XKR4: variants seen among roughly 807,000 people sequenced by gnomAD.
The protein encoded by XKR4 is XK related 4, also known as XK-related protein 4.
Under a neutral mutation model 53.9 loss-of-function variants are expected in XKR4, and 12 were observed. That is an observed-to-expected ratio of 0.22 (90% CI 0.14 to 0.36). XKR4 has a LOEUF of 0.36. XKR4 is among the 10% of genes least tolerant of loss of function. The probability of loss-of-function intolerance (pLI) is 1.00; values close to 1 mark genes in which losing one functional copy is unlikely to be tolerated. For missense variants in XKR4, 799 were observed against 859.5 expected (o/e 0.93, Z 0.88); for synonymous variants, 354 against 362.4 (o/e 0.98, Z 0.26).
At chr8:55,285,921 C>T (rs1159903989) in intron 1 of XKR4, among the ~76,000 whole-genome samples, 1 of 152,184 alleles carries the variant, frequency 6.6e-6, no homozygotes, top group Non-Finnish European at 1.5e-5. Flanking sequence ...GTGACATTGC[C>T]TCATTCAGGA....
Position 55,310,376 on chromosome 8 carries a change from T to C in XKR4, c.807-47302T>C, listed in dbSNP as rs553031013. Among the ~76,000 whole-genome samples, 30 of 152,312 alleles carry C rather than the reference T, an allele frequency of 2.0e-4. No individual in the cohort carries two copies. The South Asian group carries it at 6.2e-3, about 32-fold the overall frequency. ...CTCATCTATAAAATGGGAAAAATAA[T>C]ACTTCCTATTTTATAGAACATTGTG... On this transcript the variant is annotated intron_variant, in intron 1 of 2. Transcript: ENST00000327381.
intron 1 of XKR4, among the ~76,000 whole-genome samples, chr8:55,128,523 T>A (rs1816507214): frequency 6.6e-6 from 1 of 152,220 alleles, no homozygotes; most frequent in Non-Finnish European, 1.5e-5. Context: ...CTTAGTCAAG[T>A]CTGACTTTGA....
At chr8:55,331,957 G>T (rs1411873487) in intron 1 of XKR4, among the ~76,000 whole-genome samples, 2 of 152,012 alleles carry the variant, frequency 1.3e-5, no homozygotes, top group Non-Finnish European at 2.9e-5. Context: ...TACCGATAAG[G>T]AAGGACTTAC....
At chr8:55,116,242 C>T (rs1429944614) in intron 1 of XKR4, among the ~76,000 whole-genome samples, 1 of 151,802 alleles carries the variant, frequency 6.6e-6, no homozygotes, top group Non-Finnish European at 1.5e-5. Context: ...ACTGAAGAGC[C>T]TCTGTATCTA....
chr8:55,140,241 A>T (rs1446720994), intron 1 of XKR4: 2 of 336,334 alleles, frequency 5.9e-6, no homozygotes. Flanking sequence ...TTAGTTTCAA[A>T]TCATAGATTC....
intron 2 of XKR4, chr8:55,449,666 G>A (rs1669208664): frequency 7.7e-6 from 7 of 903,340 alleles, no homozygotes; most frequent in Non-Finnish European, 1.3e-5. Flanking sequence ...CATGCCAGGT[G>A]CCACAGCCTC....
At chr8:55,261,216 G>A (rs933979005) in intron 1 of XKR4, among the ~76,000 whole-genome samples, 8 of 152,112 alleles carry the variant, frequency 5.3e-5, no homozygotes, top group African/African-American at 1.7e-4. Flanking sequence ...TGCTAATCAC[G>A]TGACCTTGGG....
At chr8:55,439,468 T>C (rs1047763511) in intron 2 of XKR4, among the ~76,000 whole-genome samples, 1 of 152,122 alleles carries the variant, frequency 6.6e-6, no homozygotes, top group Non-Finnish European at 1.5e-5. Flanking sequence ...TAGATTCAAA[T>C]ATAAAATAAG....
chr8:55,271,980 T>A (rs757964431), intron 1 of XKR4, among the ~76,000 whole-genome samples: 1 of 152,214 alleles, frequency 6.6e-6, no homozygotes, highest in Non-Finnish European at 1.5e-5. Context: ...TTTTATATGG[T>A]CTAGCCTTGT....
At chr8:55,451,866 C>A in intron 2 of XKR4, 1 of 862,698 alleles carries the variant, frequency 1.2e-6, no homozygotes. Flanking sequence ...AGGCTGAGGA[C>A]GGGGTCAGTG....
chr8:55,116,357 A>G (rs1179849068), intron 1 of XKR4, among the ~76,000 whole-genome samples: 1 of 152,138 alleles, frequency 6.6e-6, no homozygotes, highest in African/African-American at 2.4e-5. Context: ...AAATAAAACA[A>G]TACAGAAAGA....
chr8:55,354,973 G>A (rs543092272), intron 1 of XKR4, among the ~76,000 whole-genome samples: 2 of 149,828 alleles, frequency 1.3e-5, no homozygotes, highest in East Asian at 1.9e-4. Context: ...ACATGATCTC[G>A]GCTCACTGCA....
At chr8:55,307,446 G>A (rs371087211) in intron 1 of XKR4, among the ~76,000 whole-genome samples, 237 of 152,238 alleles carry the variant, frequency 1.6e-3, no homozygotes, top group Middle Eastern at 0.01. Flanking sequence ...GAGCCCAGGA[G>A]TTCAAGACCA....
chr8:55,498,486 G>A (rs964578140), intron 2 of XKR4, among the ~76,000 whole-genome samples: 3 of 152,112 alleles, frequency 2.0e-5, no homozygotes, highest in African/African-American at 4.8e-5. Context: ...GCTGTGAAAC[G>A]GGGTGATGCA....
At chr8:55,141,738 A>G (rs1041252962) in intron 1 of XKR4, among the ~76,000 whole-genome samples, 4 of 150,854 alleles carry the variant, frequency 2.7e-5, no homozygotes, top group African/African-American at 9.8e-5. Flanking sequence ...CCCAGTCCAT[A>G]AGTAATAGTC....
intron 1 of XKR4, among the ~76,000 whole-genome samples, chr8:55,143,564 A>G (rs923691526): frequency 2.0e-5 from 3 of 152,216 alleles, no homozygotes; most frequent in East Asian, 3.8e-4. Flanking sequence ...CTTCTAGAAG[A>G]AAAGGAATCA....
chr8:55,464,063 A>G (rs1322000821), intron 2 of XKR4, among the ~76,000 whole-genome samples: 2 of 152,196 alleles, frequency 1.3e-5, no homozygotes, highest in Non-Finnish European at 2.9e-5. Flanking sequence ...AGAAGATGGT[A>G]CCATTCCTTC....
chr8:55,364,427 T>A (rs1803944454), intron 2 of XKR4, among the ~76,000 whole-genome samples: 1 of 152,194 alleles, frequency 6.6e-6, no homozygotes, highest in Non-Finnish European at 1.5e-5. Context: ...GCCCTGCTCC[T>A]TCTGTAGCGT....
chr8:55,470,076 G>C (rs929171685), intron 2 of XKR4, among the ~76,000 whole-genome samples: 1 of 152,056 alleles, frequency 6.6e-6, no homozygotes, highest in Non-Finnish European at 1.5e-5. Context: ...GATGTAATGG[G>C]GGAAAGTAAA....
Sources: gnomAD v4.1 joint callset for allele counts (sites outside exome capture counted in the v4.1 genomes callset) on GRCh38, gnomAD v4.1.1 for gene constraint, MANE v1.5 for transcripts, NCBI Gene and HGNC (gene_info 2026-07-23, HGNC 2026-07-21) for gene names.